Variants in SETBP1 observed in about 807,000 individuals in gnomAD.
The protein encoded by SETBP1 is SET-binding protein.
SETBP1 carries 9 observed loss-of-function variants against 101.0 expected under a neutral mutation model. The ratio of observed to expected loss-of-function variants is 0.09; its 90% CI spans 0.05 to 0.16. The LOEUF is 0.16. Ranked by LOEUF, SETBP1 falls within the 10% of genes least tolerant of loss-of-function variation. The probability of loss-of-function intolerance (pLI) is 1.00; values close to 1 mark genes in which losing one functional copy is unlikely to be tolerated. For missense variants in SETBP1, 1,858 were observed against 2,033.8 expected, an observed-to-expected ratio of 0.91 and a Z score of 1.66; for synonymous variants, 818 against 788.5, an observed-to-expected ratio of 1.04 and a Z score of -0.63.
chr18:44,998,121 T>G (rs1253614164), intron 4 of SETBP1, among the ~76,000 whole-genome samples: 1 of 152,214 alleles, frequency 6.6e-6, no homozygotes, highest in Non-Finnish European at 1.5e-5. Context: ...CTTTGGGGCT[T>G]TTAATAAGCC....
chr18:44,768,997 AG>A (rs2070819425), intron 2 of SETBP1, among the ~76,000 whole-genome samples: 2 of 152,214 alleles, frequency 1.3e-5, no homozygotes, highest in South Asian at 2.1e-4. Context: ...GTTTTTCTTC[AG>A]TAACAGAGGT....
At chr18:44,792,157 A>T (rs764716080) in intron 2 of SETBP1, among the ~76,000 whole-genome samples, 5 of 152,186 alleles carry the variant, frequency 3.3e-5, no homozygotes, top group Non-Finnish European at 7.4e-5. Context: ...CAGCATTTAA[A>T]ATTGTTACCA....
At chr18:44,889,287 T>G (rs565261878) in intron 3 of SETBP1, among the ~76,000 whole-genome samples, 1 of 152,128 alleles carries the variant, frequency 6.6e-6, no homozygotes, top group African/African-American at 2.4e-5. Context: ...AAGAGGAAGT[T>G]AGTTATCTTT....
At chr18:44,720,910 C>CCGCCG (rs1555672419) in intron 2 of SETBP1, among the ~76,000 whole-genome samples, 2 of 131,236 alleles carry the variant, frequency 1.5e-5, no homozygotes, top group African/African-American at 5.8e-5. Context: ...AACCCCCACC[C>CCGCCG]CCCACCCCAA....
At chr18:44,843,558 A>G (rs923592014) in intron 2 of SETBP1, among the ~76,000 whole-genome samples, 2 of 152,002 alleles carry the variant, frequency 1.3e-5, no homozygotes, top group Non-Finnish European at 2.9e-5. Context: ...CCTGACACCC[A>G]TTTCTCAGGT....
At chr18:45,010,208 G>A (rs2072810360) in intron 4 of SETBP1, among the ~76,000 whole-genome samples, 2 of 152,198 alleles carry the variant, frequency 1.3e-5, no homozygotes, top group African/African-American at 2.4e-5. Flanking sequence ...GGCTAAGTGA[G>A]ACATCAAGGG....
At chr18:44,798,353 C>T (rs192590512) in intron 2 of SETBP1, among the ~76,000 whole-genome samples, 1 of 151,936 alleles carries the variant, frequency 6.6e-6, no homozygotes, top group Non-Finnish European at 1.5e-5. Flanking sequence ...AAATTGGGCC[C>T]CAGAGAAGGA....
At chr18:44,849,504 A>G (rs2072801682) in intron 2 of SETBP1, among the ~76,000 whole-genome samples, 2 of 152,254 alleles carry the variant, frequency 1.3e-5, no homozygotes, top group African/African-American at 4.8e-5. Context: ...TGGTTTCCCT[A>G]TTTGGCAGGG....
chr18:45,063,791 A>T lies in SETBP1; in HGVS notation c.*93A>T. On this transcript the variant is annotated 3_prime_UTR_variant, in exon 6 of 6. Coordinates refer to ENST00000649279, the MANE Select transcript of SETBP1 (RefSeq NM_015559.3). ...GGGGGCGGAATCCCCCGCTGCAGGGACACCCACGCCCTTCTCTCCAGAAGC... is the reference window on the plus strand; with the variant it reads ...GGGGGCGGAATCCCCCGCTGCAGGGTCACCCACGCCCTTCTCTCCAGAAGC... The T allele has an allele frequency of 7.1e-7, 1 of 1,399,892 alleles. No individual in the cohort carries two copies. The highest frequency in any genetic ancestry group is 9.8e-7 in the Non-Finnish European group (1 of 1,024,644). The allele number at this position is 1,399,892 out of a possible 1,614,324, so 86.7% of individuals were successfully genotyped here. A position where few individuals can be genotyped will look rare whatever the true frequency, so the allele number is the denominator to read the frequency against.
intron 2 of SETBP1, among the ~76,000 whole-genome samples, chr18:44,752,013 C>T (rs562376440): frequency 6.6e-6 from 1 of 152,134 alleles, no homozygotes. Context: ...AGCCATCTCA[C>T]CTTGACTACC....
At chr18:44,785,180 T>A (rs143598072) in intron 2 of SETBP1, among the ~76,000 whole-genome samples, 24 of 152,322 alleles carry the variant, frequency 1.6e-4, no homozygotes, top group African/African-American at 5.5e-4. Flanking sequence ...CAGGAGAGAA[T>A]ATAAACAGTG....
At chr18:45,037,319 T>C (rs1473594574) in intron 4 of SETBP1, among the ~76,000 whole-genome samples, 1 of 152,142 alleles carries the variant, frequency 6.6e-6, no homozygotes, top group African/African-American at 2.4e-5. Context: ...GCCCATATAT[T>C]CTTAGTCATG....
At chr18:44,685,179 C>G (rs1177042731) in intron 1 of SETBP1, among the ~76,000 whole-genome samples, 1 of 152,112 alleles carries the variant, frequency 6.6e-6, no homozygotes. Context: ...TAGGCAGAGG[C>G]TGTGCCACTC....
chr18:44,999,087 C>T (rs561145176), intron 4 of SETBP1, among the ~76,000 whole-genome samples: 1 of 152,318 alleles, frequency 6.6e-6, no homozygotes, highest in South Asian at 2.1e-4. Context: ...GCAGGTCCTA[C>T]TGTCTGAGCT....
intron 2 of SETBP1, among the ~76,000 whole-genome samples, chr18:44,768,088 G>A (rs2070796798): frequency 6.6e-6 from 1 of 152,186 alleles, no homozygotes; most frequent in Non-Finnish European, 1.5e-5. Flanking sequence ...TGGTGTCTCT[G>A]TATAGGAGCA....
rs781599912 is a variant in SETBP1 at position 44,953,335 on chromosome 18, C to G, written c.3995C>G (p.Ser1332Cys). The G allele has an allele frequency of 1.9e-6, 3 of 1,613,254 alleles. No homozygotes were observed. In the East Asian group the frequency reaches 6.7e-5, roughly 36 times the overall value. Reference sequence around the variant, plus strand: ...AGAAGTTCTTATGACTCCTCCATGTCTCCAGGTAAGGCTGTTTTTCTTCAG... The same window carrying G: ...AGAAGTTCTTATGACTCCTCCATGTGTCCAGGTAAGGCTGTTTTTCTTCAG... ...KERSSYDSSMSPGMPSPHLKV... is the reference protein window; with the variant it reads ...KERSSYDSSMCPGMPSPHLKV... The change falls in exon 4 of 6, where the codon TCT (serine) becomes TGT (cysteine). Residue 1332 changes from serine to cysteine, a missense_variant. Physicochemically the swap from Ser to Cys is moderately radical, Grantham distance 112. Transcript: ENST00000649279.
chr18:44,881,069 TG>T (rs1294769763), intron 3 of SETBP1, among the ~76,000 whole-genome samples: 5 of 152,340 alleles, frequency 3.3e-5, no homozygotes, highest in Non-Finnish European at 5.9e-5. Flanking sequence ...ATTTCTGTAA[TG>T]CTTTCTGGCC....
intron 2 of SETBP1, among the ~76,000 whole-genome samples, chr18:44,796,924 C>G (rs1386744215): frequency 6.6e-6 from 1 of 152,208 alleles, no homozygotes; most frequent in Non-Finnish European, 1.5e-5. Flanking sequence ...GTCTCTCTCT[C>G]TTCTCCCTTA....
chr18:44,697,520 G>A (rs1171249237), intron 1 of SETBP1, among the ~76,000 whole-genome samples: 1 of 152,220 alleles, frequency 6.6e-6, no homozygotes, highest in Non-Finnish European at 1.5e-5. Context: ...ACACGACTTT[G>A]AATAGCTGTC....
Sources: gnomAD v4.1 joint callset for allele counts (sites outside exome capture counted in the v4.1 genomes callset) on GRCh38, gnomAD v4.1.1 for gene constraint, MANE v1.5 for transcripts, NCBI Gene and HGNC (gene_info 2026-07-23, HGNC 2026-07-21) for gene names.